The following GUCY2F variants were observed in gnomAD, a reference collection of about 807,000 sequenced individuals.
GUCY2F encodes the protein retinal guanylyl cyclase 2.
A neutral mutation model predicts 73.1 loss-of-function variants in GUCY2F; 61 were observed. That is an observed-to-expected ratio of 0.83 (90% CI 0.68 to 1.03). GUCY2F has a LOEUF of 1.03. Among genes scored for constraint, GUCY2F ranks in the 50% least tolerant of loss-of-function variants. The pLI, the probability that GUCY2F is intolerant of heterozygous loss-of-function variation, is 0.00. For synonymous variants in GUCY2F, 331 were observed against 307.8 expected (o/e 1.08, Z -0.79); for missense variants, 912 against 854.3 (o/e 1.07, Z -0.84).
At chrX:109,384,425 T>C (rs1012260197) in intron 16 of GUCY2F, among the ~76,000 whole-genome samples, 10 of 112,379 alleles carry the variant, frequency 8.9e-5, no homozygotes, top group African/African-American at 3.2e-4. Context: ...AACCATGATA[T>C]AAGCAAAAGG....
intron 11 of GUCY2F, among the ~76,000 whole-genome samples, chrX:109,397,226 T>C (rs774626256): frequency 2.9e-4 from 32 of 110,457 alleles, no homozygotes; most frequent in Non-Finnish European, 5.9e-4. Context: ...CGGCCAGTCA[T>C]GTGGTTTAGC....
At chrX:109,385,430 G>C (rs766776505) in intron 15 of GUCY2F, 148 bp from the exon 16 acceptor site, 1 of 378,224 alleles carries the variant, frequency 2.6e-6, no homozygotes, top group Non-Finnish European at 4.6e-6. Flanking sequence ...AAGACACAAT[G>C]AGTAGTGAAC....
intron 5 of GUCY2F, 32 bp from the exon 6 acceptor site, chrX:109,448,197 G>A (rs1165915488): frequency 2.7e-6 from 2 of 739,923 alleles, no homozygotes; most frequent in Non-Finnish European, 2.1e-6. Flanking sequence ...AGGGTCACAA[G>A]GGACTGGGTG....
chrX:109,433,653 T>A (rs1261847007), intron 7 of GUCY2F, among the ~76,000 whole-genome samples: 7 of 112,483 alleles, frequency 6.2e-5, no homozygotes, highest in Admixed American at 4.7e-4. Flanking sequence ...TTTGTTTTTT[T>A]CTTTTAAGAG....
At chrX:109,406,505 C>A (rs1930975839) in intron 9 of GUCY2F, among the ~76,000 whole-genome samples, 1 of 111,670 alleles carries the variant, frequency 9.0e-6, no homozygotes, top group African/African-American at 3.3e-5. Context: ...ATCTGGACCT[C>A]AAACTGGGGA....
chrX:109,456,926 G>T (rs1054223095), intron 3 of GUCY2F, among the ~76,000 whole-genome samples: 1 of 111,386 alleles, frequency 9.0e-6, no homozygotes, highest in African/African-American at 3.3e-5. Flanking sequence ...AAAGGTAAAG[G>T]GTGGAACACA....
chrX:109,426,124 G>A (rs766998283), intron 8 of GUCY2F, among the ~76,000 whole-genome samples: 2 of 112,453 alleles, frequency 1.8e-5, no homozygotes, highest in South Asian at 7.5e-4. Flanking sequence ...CACAAAGAAA[G>A]TTAAGAGTTG....
At chrX:109,472,265 CA>C (rs1932589788) in intron 2 of GUCY2F, among the ~76,000 whole-genome samples, 1 of 99,048 alleles carries the variant, frequency 1.0e-5, no homozygotes, top group Middle Eastern at 4.3e-3. Context: ...GCGAACAGAT[CA>C]GGAAAAAAAA....
At position 109,411,274 on chromosome X, in the gene GUCY2F, A is replaced by G. The variant is rs200623200; in HGVS notation, c.1792-2106T>C. ...CATTTTCAAAAAAAAAAAAAAAAAA[A>G]CTGTCCTAGAGCCCAAATTAATGGT... On this transcript the variant is annotated intron_variant, in intron 8 of 19. Coordinates refer to ENST00000218006, the MANE Select transcript of GUCY2F (RefSeq NM_001522.3). Among the ~76,000 whole-genome samples, 15 of 105,975 alleles carry G rather than the reference A, an allele frequency of 1.4e-4. No homozygotes were observed. In the East Asian group the frequency reaches 3.6e-3, roughly 25 times the overall value. 92.0% of individuals were successfully genotyped at this position (105,975 alleles called of 115,157 possible).
Position 109,465,457 on chromosome X carries a change from AG to A in GUCY2F, c.731-15del, listed in dbSNP as rs750100052. The A allele has an allele frequency of 7.8e-6, 9 of 1,160,907 alleles. No individual in the cohort carries two copies. The highest frequency in any genetic ancestry group is 1.0e-5 in the Non-Finnish European group (9 of 857,368). ...ACATGATGATTACTGAAACCAACAAAGCAAGGAGGTTATGGAAGCAAACTGT... is the reference window on the plus strand; with the variant it reads ...ACATGATGATTACTGAAACCAACAAACAAGGAGGTTATGGAAGCAAACTGT... On this transcript the variant is annotated splice_polypyrimidine_tract_variant and intron_variant, in intron 2 of 19. Transcript: ENST00000218006.
chrX:109,403,736 A>C (rs1930905546), intron 10 of GUCY2F, among the ~76,000 whole-genome samples: 1 of 112,460 alleles, frequency 8.9e-6, no homozygotes, highest in African/African-American at 3.2e-5. Context: ...CATGCCACAA[A>C]ATGAAATTCT....
intron 8 of GUCY2F, among the ~76,000 whole-genome samples, chrX:109,423,709 TA>T (rs571749403): frequency 8.9e-4 from 87 of 97,439 alleles, no homozygotes; most frequent in South Asian, 1.8e-3. Flanking sequence ...TGGTTTTTAT[TA>T]AAAAAAAAAA....
intron 6 of GUCY2F, among the ~76,000 whole-genome samples, chrX:109,443,170 T>C (rs1440948002): frequency 9.0e-6 from 1 of 111,287 alleles, no homozygotes; most frequent in Non-Finnish European, 1.9e-5. Context: ...TTCCCCTATC[T>C]TTTCCCATCA....
In GUCY2F at chrX:109,468,937, A is replaced by G. The variant is rs762908073; in HGVS notation, c.731-3494T>C. Among the ~76,000 whole-genome samples, 6 of 112,518 alleles carry G rather than the reference A, an allele frequency of 5.3e-5. No individual in the cohort carries two copies. In the South Asian group the frequency reaches 2.2e-3, roughly 42 times the overall value. On this transcript the variant is annotated intron_variant, in intron 2 of 19. Coordinates refer to ENST00000218006, the MANE Select transcript of GUCY2F (RefSeq NM_001522.3). ...TAAATAGTTTTATTATGTTAAAATT[A>G]CATTCATTAAAATGGGATTTGACCT...
chrX:109,407,611 G>C, intron 9 of GUCY2F, among the ~76,000 whole-genome samples: 1 of 112,930 alleles, frequency 8.9e-6, no homozygotes, highest in Middle Eastern at 4.6e-3. Flanking sequence ...GGAGGCCCAG[G>C]AGGAAAACGT....
chrX:109,481,370 G>C (rs1317322634), intron 1 of GUCY2F, among the ~76,000 whole-genome samples: 1 of 111,858 alleles, frequency 8.9e-6, no homozygotes, highest in African/African-American at 3.2e-5. Flanking sequence ...AAAGCGGCTA[G>C]AGCATAGGGA....
intron 6 of GUCY2F, among the ~76,000 whole-genome samples, chrX:109,445,375 A>G (rs1287182372): frequency 8.9e-6 from 1 of 112,403 alleles, no homozygotes; most frequent in African/African-American, 3.2e-5. Flanking sequence ...TGTTGAGTCC[A>G]AATAAACAAA....
At chrX:109,433,852 A>C (rs1041980418) in intron 7 of GUCY2F, among the ~76,000 whole-genome samples, 1 of 111,231 alleles carries the variant, frequency 9.0e-6, no homozygotes, top group African/African-American at 3.3e-5. Context: ...GGGTGGCCTT[A>C]GAACAGCCAC....
In GUCY2F at chrX:109,475,484, A is replaced by G. The variant is rs1403173573; in HGVS notation, c.453T>C (p.Cys151=). The G allele has an allele frequency of 2.5e-6, 3 of 1,211,429 alleles. No individual in the cohort carries two copies. The highest frequency in any genetic ancestry group is 3.4e-6 in the Non-Finnish European group (3 of 895,158). The part of the protein sequence containing the change: ...SWDKGIFSWA[C]VNYELDNKIS... The stretch of plus-strand genomic sequence containing the variant: ...TTTTATTGTCTAATTCATAATTCAC[A>G]CAAGCCCAAGAGAAAATTCCTTTGT... The change falls in exon 2 of 20, where the codon TGT becomes TGC. Residue 151 remains cysteine (C), a synonymous_variant. Coordinates refer to ENST00000218006, the MANE Select transcript of GUCY2F (RefSeq NM_001522.3).
Sources: allele counts gnomAD v4.1 joint callset (sites outside exome capture counted in the v4.1 genomes callset), GRCh38; gene constraint gnomAD v4.1.1; transcripts MANE v1.5; gene names NCBI Gene and HGNC (gene_info 2026-07-23, HGNC 2026-07-21).